The following PNPO variants were observed in gnomAD, a reference collection of about 807,000 sequenced individuals.
The protein encoded by PNPO is pyridoxamine 5'-phosphate oxidase.
A neutral mutation model predicts 35.0 loss-of-function variants in PNPO; 39 were observed. The ratio of observed to expected loss-of-function variants is 1.11; its 90% CI spans 0.86 to 1.45. PNPO has a LOEUF of 1.45. Among genes scored for constraint, PNPO ranks in the 40% most tolerant of loss-of-function variants. The pLI, the probability that PNPO is intolerant of heterozygous loss-of-function variation, is 0.00. For synonymous variants in PNPO, 115 were observed against 119.8 expected (o/e 0.96, Z 0.26); for missense variants, 288 against 340.0 (o/e 0.85, Z 1.20).
Position 47,945,857 on chromosome 17 carries a change from G to A in PNPO, c.418-4G>A. On this transcript the variant is annotated splice_region_variant and splice_polypyrimidine_tract_variant and intron_variant, in intron 4 of 6. Transcript: ENST00000642017. This position sits in a 1 kb window ranked among gnomAD's most constrained non-coding sequence, Gnocchi z 4.0. ...GCCATTCACCCAGAGCCATCCCTGAGCAGGTGCGTGTGGAAGGCCCTGTGA... is the reference window on the plus strand; with the variant it reads ...GCCATTCACCCAGAGCCATCCCTGAACAGGTGCGTGTGGAAGGCCCTGTGA... 1 of 1,613,382 alleles carries A rather than the reference G, an allele frequency of 6.2e-7. No individual in the cohort carries two copies. Among genetic ancestry groups the A allele is most frequent in the South Asian group, 1.1e-5 (1 of 91,068 alleles).
At position 47,949,023 on chromosome 17, in the gene PNPO, T is replaced by G. The variant is rs1246875711; in HGVS notation, c.*2241T>G. Reference sequence around the variant, plus strand: ...CAGCCCTCTCCTTGTTTATCCCTCTTAAGCCTGCGTGCAGGAAGGCACATT... The same window carrying G: ...CAGCCCTCTCCTTGTTTATCCCTCTGAAGCCTGCGTGCAGGAAGGCACATT... On this transcript the variant is annotated 3_prime_UTR_variant, in exon 7 of 7. Transcript: ENST00000642017. The G allele has an allele frequency of 6.6e-6, 1 of 152,312 alleles. No homozygotes were observed. Among genetic ancestry groups the G allele is most frequent in the East Asian group, 1.9e-4 (1 of 5,198 alleles). The allele number at this position is 152,312 out of a possible 1,614,324, so 9.4% of individuals were successfully genotyped here.
At chr17:47,946,121 A>T in intron 5 of PNPO, 132 bp downstream of exon 5, 1 of 1,293,728 alleles carries the variant, frequency 7.7e-7, no homozygotes, top group Non-Finnish European at 1.1e-6. Context: ...AACAGTGAAA[A>T]GGACAGTGAG....
chr17:47,943,293 TC>T lies in PNPO; in HGVS notation c.139-12del. ...ATATATGTTTATTAAATGAAATAAA[TC>T]TCCTTTCCTAGGCATTTGAGGAGAC... is the stretch of plus-strand genomic sequence containing the variant. On this transcript the variant is annotated splice_polypyrimidine_tract_variant and intron_variant, in intron 1 of 6. Transcript: ENST00000642017. The T allele has an allele frequency of 6.2e-7, 1 of 1,609,764 alleles. No individual in the cohort carries two copies. The highest frequency in any genetic ancestry group is 8.5e-7 in the Non-Finnish European group (1 of 1,176,514).
rs1490164632 is a variant in PNPO, at chr17:47,946,449, G to C, written c.617+56G>C. The C allele has an allele frequency of 2.1e-6, 3 of 1,439,332 alleles. No homozygotes were observed. The Admixed American group carries it at 5.0e-5, about 24-fold the overall frequency. The allele number at this position is 1,439,332 out of a possible 1,614,324, so 89.2% of individuals were successfully genotyped here. The stretch of plus-strand genomic sequence containing the variant: ...GGACACCAGGCCCCTGTGTTTACTT[G>C]AAGCCACCTGCCTGGGGAATCACAG... On this transcript the variant is annotated intron_variant, in intron 6 of 6. Coordinates refer to ENST00000642017, the MANE Select transcript of PNPO (RefSeq NM_018129.4).
chr17:47,941,681 G>A lies in PNPO; in HGVS notation c.6G>A (p.Thr2=), dbSNP rs767880515. Residue 2 remains threonine (T), a synonymous_variant, in exon 1 of 7, where the codon ACG becomes ACA. Transcript: ENST00000642017. M[T]CWLRGVTATF... ...CACGTGGCCGGCGGCCCCCCATGAC[G>A]TGCTGGCTGCGGGGCGTCACGGCGA... The A allele has an allele frequency of 4.6e-6, 7 of 1,537,444 alleles. No individual in the cohort carries two copies. The highest frequency in any genetic ancestry group is 2.0e-5 in the Admixed American group (1 of 50,784).
In PNPO at chr17:47,945,156, T is replaced by G. The variant is rs1361532735; in HGVS notation, c.364-403T>G. 7 of 380,452 alleles carry G rather than the reference T, an allele frequency of 1.8e-5. No homozygotes were observed. The highest frequency in any genetic ancestry group is 1.5e-4 in the Admixed American group (4 of 26,080). 23.6% of individuals were successfully genotyped at this position (380,452 alleles called of 1,614,324 possible). A position where few individuals can be genotyped will look rare whatever the true frequency, so the allele number is the denominator to read the frequency against. On this transcript the variant is annotated intron_variant, in intron 3 of 6. Transcript: ENST00000642017. This position sits in a 1 kb window ranked among gnomAD's most constrained non-coding sequence, Gnocchi z 4.0. ...AGTGGAGGCTGCTCTGTTTTATCTC[T>G]GCTGTATCCCCCGCACGTCTCCTGT...
chr17:47,941,940 G>C (rs1364119746), intron 1 of PNPO, 127 bp downstream of exon 1: 4 of 1,365,648 alleles, frequency 2.9e-6, no homozygotes, highest in Non-Finnish European at 3.8e-6. Context: ...GGGCAAGGAG[G>C]TTTGAGGATC....
Position 47,949,153 on chromosome 17 carries a change from C to A in PNPO, c.*2371C>A. 1 of 152,374 alleles carries A rather than the reference C, an allele frequency of 6.6e-6. No individual in the cohort carries two copies. The highest frequency in any genetic ancestry group is 1.5e-5 in the Non-Finnish European group (1 of 68,090). The allele number at this position is 152,374 out of a possible 1,614,324, so 9.4% of individuals were successfully genotyped here. A position where few individuals can be genotyped will look rare whatever the true frequency, so the allele number is the denominator to read the frequency against. ...CCGTTTATGAGTAAGTGATGTGTGTCTGTGTGTGTGTCTAGAAGTGCTGCA... is the reference window on the plus strand; with the variant it reads ...CCGTTTATGAGTAAGTGATGTGTGTATGTGTGTGTGTCTAGAAGTGCTGCA... On this transcript the variant is annotated 3_prime_UTR_variant, in exon 7 of 7. Transcript: ENST00000642017.
At chr17:47,946,243 C>T in intron 5 of PNPO, 80 bp from the exon 6 acceptor site, 2 of 1,189,972 alleles carry the variant, frequency 1.7e-6, no homozygotes, top group South Asian at 1.2e-5. Context: ...CCCATGTCCC[C>T]AGCACATATC....
At chr17:47,946,103 C>A in intron 5 of PNPO, 114 bp downstream of exon 5, 1 of 1,387,054 alleles carries the variant, frequency 7.2e-7, no homozygotes, top group Non-Finnish European at 1.0e-6. Flanking sequence ...TCTCTCCAGC[C>A]CAGTGAAAAC....
In PNPO at chr17:47,945,750, T is replaced by G. The variant is rs2035998549; in HGVS notation, c.418-111T>G. On this transcript the variant is annotated intron_variant, in intron 4 of 6. Coordinates refer to ENST00000642017, the MANE Select transcript of PNPO (RefSeq NM_018129.4). The surrounding 1 kb of genome is among the most constrained non-coding windows in gnomAD (Gnocchi z 4.0). ...TGCCTCTAAAATAGCCCTCAGTTAG[T>G]TGGAGCCAAGAGTGGTGGGGCAGCC... 1 of 1,497,160 alleles carries G rather than the reference T, an allele frequency of 6.7e-7. No homozygotes were observed. The highest frequency in any genetic ancestry group is 9.2e-7 in the Non-Finnish European group (1 of 1,082,834). The allele number at this position is 1,497,160 out of a possible 1,614,324, so 92.7% of individuals were successfully genotyped here.
chr17:47,941,658 C>T lies in PNPO; in HGVS notation c.-18C>T, dbSNP rs886053100. 3 of 1,522,742 alleles carry T rather than the reference C, an allele frequency of 2.0e-6. No individual in the cohort carries two copies. The highest frequency in any genetic ancestry group is 1.4e-5 in the African/African-American group (1 of 72,622). 94.3% of individuals were successfully genotyped at this position (1,522,742 alleles called of 1,614,324 possible). On this transcript the variant is annotated 5_prime_UTR_variant, in exon 1 of 7. The change creates a new upstream start codon in the 5' untranslated region. Coordinates refer to ENST00000642017, the MANE Select transcript of PNPO (RefSeq NM_018129.4). The stretch of plus-strand genomic sequence containing the variant: ...CCAGTGCCGGGCCACAGCCGGGTCA[C>T]GTGGCCGGCGGCCCCCCATGACGTG...
rs758405614 is a variant in PNPO, at chr17:47,941,806, A to G, written c.131A>G (p.Asp44Gly). Reference protein sequence around the residue: ...LGPMRKSYRGDREAFEETHLT... With the variant: ...LGPMRKSYRGGREAFEETHLT... ...CCCATGCGCAAGAGTTACCGCGGGG[A>G]CCGAGAGGTGCCGCCGCTAGGGCCA... The change falls in exon 1 of 7, where the codon GAC becomes GGC. Residue 44 changes from aspartate to glycine, a missense_variant. Physicochemically the swap from Asp to Gly is moderately conservative, Grantham distance 94 (BLOSUM62 -1). Coordinates refer to ENST00000642017, the MANE Select transcript of PNPO (RefSeq NM_018129.4). The G allele has an allele frequency of 6.4e-7, 1 of 1,567,032 alleles. No individual in the cohort carries two copies. Among genetic ancestry groups the G allele is most frequent in the East Asian group, 2.4e-5 (1 of 42,400 alleles).
chr17:47,944,527 G>T, intron 2 of PNPO, 89 bp from the exon 3 acceptor site: 1 of 991,128 alleles, frequency 1.0e-6, no homozygotes, highest in Non-Finnish European at 1.6e-6. Context: ...TGCAGCTGGA[G>T]GGGGTGCTGA....
Position 47,948,214 on chromosome 17 carries a change from GA to G in PNPO, c.*1435del, listed in dbSNP as rs1399504095. The G allele has an allele frequency of 6.6e-6, 1 of 152,052 alleles. No homozygotes were observed. Among genetic ancestry groups the G allele is most frequent in the Non-Finnish European group, 1.5e-5 (1 of 68,012 alleles). The allele number at this position is 152,052 out of a possible 1,614,324, so 9.4% of individuals were successfully genotyped here. A position where few individuals can be genotyped will look rare whatever the true frequency, so the allele number is the denominator to read the frequency against. On this transcript the variant is annotated 3_prime_UTR_variant, in exon 7 of 7. Coordinates refer to ENST00000642017, the MANE Select transcript of PNPO (RefSeq NM_018129.4). ...GCTTTACTATCTATGTTTTTTTATG[GA>G]AACTGTGTGTATGTATACATACATT...
Position 47,945,419 on chromosome 17 carries a change from T to G in PNPO, c.364-140T>G. ...CTGTGTCTGTGACAATAGGCCTACT[T>G]TTGAGGGTTTAAATGAGCTCTTACG... On this transcript the variant is annotated intron_variant, in intron 3 of 6. Transcript: ENST00000642017. The surrounding 1 kb of genome is among the most constrained non-coding windows in gnomAD (Gnocchi z 4.0). 1 of 751,964 alleles carries G rather than the reference T, an allele frequency of 1.3e-6. No individual in the cohort carries two copies. The highest frequency in any genetic ancestry group is 2.5e-5 in the East Asian group (1 of 39,584). 46.6% of individuals were successfully genotyped at this position (751,964 alleles called of 1,614,324 possible).
chr17:47,941,991 GGGGAGGAGTTCCGGGGAAAC>G, intron 1 of PNPO, 178 bp downstream of exon 1: 1 of 1,337,418 alleles, frequency 7.5e-7, no homozygotes, highest in Non-Finnish European at 9.6e-7. Flanking sequence ...CATCCCACCA[GGGGAGGAGTTCCGGGGAAAC>G]GCAAATGAAG....
intron 2 of PNPO, 34 bp from the exon 3 acceptor site, chr17:47,944,582 A>G (rs375138813): frequency 3.3e-6 from 5 of 1,522,330 alleles, no homozygotes; most frequent in African/African-American, 2.7e-5. Context: ...ATTGAAGCAG[A>G]CTCTGACCAC....
chr17:47,946,049 CTGTCCCCAGGAGA>C, intron 5 of PNPO, 60 bp downstream of exon 5: 1 of 1,601,844 alleles, frequency 6.2e-7, no homozygotes, highest in South Asian at 1.1e-5. Context: ...TCCCCAGAAG[CTGTCCCCAGGAGA>C]TGCCAGGAGA....
Sources: gnomAD v4.1 joint callset for allele counts on GRCh38, gnomAD v4.1.1 for gene constraint, Gnocchi (gnomAD v3.1) non-coding constraint, MANE v1.5 for transcripts, NCBI Gene and HGNC (gene_info 2026-07-23, HGNC 2026-07-21) for gene names.